Variants in SH3D19 observed in about 807,000 individuals in gnomAD.
SH3D19 encodes SH3 domain containing 19, also known as SH3 domain-containing protein 19.
A neutral mutation model predicts 112.1 loss-of-function variants in SH3D19; 58 were observed. The ratio of observed to expected loss-of-function variants is 0.52; its 90% CI spans 0.42 to 0.64. The LOEUF (loss-of-function observed/expected upper bound fraction) is 0.64, where lower values mean the gene tolerates loss of function less well. Ranked by LOEUF, SH3D19 falls within the 30% of genes least tolerant of loss-of-function variation. The probability of loss-of-function intolerance (pLI) is 0.00; values close to 1 mark genes in which losing one functional copy is unlikely to be tolerated. For missense variants in SH3D19, 1,090 were observed against 1,263.4 expected (o/e 0.86, Z 2.08); for synonymous variants, 391 against 448.5 (o/e 0.87, Z 1.62).
At chr4:151,152,440 T>C (rs1297926556) in intron 9 of SH3D19, among the ~76,000 whole-genome samples, 1 of 152,096 alleles carries the variant, frequency 6.6e-6, no homozygotes, top group Non-Finnish European at 1.5e-5. Context: ...GCAGATTCCA[T>C]CTTTTTGTTC....
At chr4:151,259,328 G>A (rs1353477298) in intron 1 of SH3D19, among the ~76,000 whole-genome samples, 2 of 152,222 alleles carry the variant, frequency 1.3e-5, no homozygotes, top group African/African-American at 4.8e-5. Context: ...ACTTCAGGCA[G>A]AGGCAGCATG....
intron 1 of SH3D19, among the ~76,000 whole-genome samples, chr4:151,255,762 C>T (rs1041479356): frequency 1.3e-5 from 2 of 152,238 alleles, no homozygotes; most frequent in East Asian, 3.9e-4. Context: ...AACGAGACTC[C>T]GTCTGCAATC....
rs66688611 is a variant in SH3D19, at chr4:151,125,845, C to CAAAAAAAAAAAAAAAAA, written c.3027+1756_3027+1772dup. Among the ~76,000 whole-genome samples, 5 of 94,236 alleles carry CAAAAAAAAAAAAAAAAA rather than the reference C, an allele frequency of 5.3e-5. 2 individuals carry two copies. The highest frequency in any genetic ancestry group is 6.4e-5 in the Non-Finnish European group (3 of 47,214). The allele number at this position is 94,236 out of a possible 152,430, so 61.8% of individuals were successfully genotyped here. On this transcript the variant is annotated intron_variant, in intron 19 of 19. Transcript: ENST00000604030. Reference sequence around the variant, plus strand: ...ACAGAGCGAGACTCCATCTCAAAAACAAAAAAAAAAAAAAAAAAAAAGAAA... The same window carrying CAAAAAAAAAAAAAAAAA: ...ACAGAGCGAGACTCCATCTCAAAAACAAAAAAAAAAAAAAAAAAAAAAAAAAAAAAAAAAAAAAGAAA...
At chr4:151,163,588 T>TTC (rs1181525504) in intron 8 of SH3D19, among the ~76,000 whole-genome samples, 1 of 148,844 alleles carries the variant, frequency 6.7e-6, no homozygotes, top group Non-Finnish European at 1.5e-5. Context: ...CTTTCTTTCT[T>TTC]TTTTTTTTTT....
At chr4:151,306,547 CAG>C (rs1561448796) in intron 1 of SH3D19, among the ~76,000 whole-genome samples, 1 of 152,066 alleles carries the variant, frequency 6.6e-6, no homozygotes, top group Non-Finnish European at 1.5e-5. Flanking sequence ...TCAACTAAAA[CAG>C]GGGAAAAAAG....
At chr4:151,298,009 T>C (rs536842000) in intron 1 of SH3D19, among the ~76,000 whole-genome samples, 6 of 152,046 alleles carry the variant, frequency 3.9e-5, no homozygotes, top group South Asian at 4.2e-4. Context: ...GCTTTGAAGA[T>C]AGAGCAAGGG....
In SH3D19 at chr4:151,282,198, G is replaced by A. The variant is rs1286042388; in HGVS notation, c.112+43043C>T. 1.2e-6 allele frequency: 2 copies of A among 1,613,794 alleles called. No individual in the cohort carries two copies. Among genetic ancestry groups the A allele is most frequent in the Middle Eastern group, 1.6e-4 (1 of 6,084 alleles). ...GTGTGGCTAGGATCGATTACAGTAGGTGACTCAAGGAAACGTGTGAAGTAC... is the reference window on the plus strand; with the variant it reads ...GTGTGGCTAGGATCGATTACAGTAGATGACTCAAGGAAACGTGTGAAGTAC... On this transcript the variant is annotated intron_variant, in intron 1 of 19. Coordinates refer to ENST00000604030, the MANE Select transcript of SH3D19 (RefSeq NM_001378122.1).
intron 1 of SH3D19, among the ~76,000 whole-genome samples, chr4:151,245,767 A>G (rs1259644021): frequency 6.6e-6 from 1 of 152,076 alleles, no homozygotes; most frequent in African/African-American, 2.4e-5. Flanking sequence ...ATGCCTAGCT[A>G]ATTTTTATAT....
At chr4:151,253,516 G>A (rs1580331888) in intron 1 of SH3D19, among the ~76,000 whole-genome samples, 1 of 152,264 alleles carries the variant, frequency 6.6e-6, no homozygotes, top group East Asian at 1.9e-4. Flanking sequence ...CTAGGCGGGC[G>A]GATCACGAGG....
At chr4:151,193,383 G>C (rs968237524) in intron 2 of SH3D19, among the ~76,000 whole-genome samples, 3 of 151,918 alleles carry the variant, frequency 2.0e-5, no homozygotes, top group African/African-American at 7.3e-5. Flanking sequence ...GAGATGGTAC[G>C]GTAGACTTCA....
At chr4:151,155,122 T>C (rs747591389) in intron 9 of SH3D19, among the ~76,000 whole-genome samples, 2 of 152,208 alleles carry the variant, frequency 1.3e-5, no homozygotes, top group Non-Finnish European at 1.5e-5. Context: ...TTACATATAA[T>C]GGACATTAAC....
chr4:151,272,758 C>CTTTTCTTTTTT (rs55671008), intron 1 of SH3D19, among the ~76,000 whole-genome samples: 46,285 of 146,604 alleles, frequency 0.32, 8,562 homozygotes, highest in Non-Finnish European at 0.44. Flanking sequence ...TCAGGTTTCA[C>CTTTTCTTTTTT]TTTTCTTTTT....
At chr4:151,196,410 C>G (rs935881000) in intron 2 of SH3D19, among the ~76,000 whole-genome samples, 2 of 152,030 alleles carry the variant, frequency 1.3e-5, no homozygotes, top group Non-Finnish European at 2.9e-5. Flanking sequence ...GCCTGGGCAA[C>G]AGAGAAAGAC....
chr4:151,171,513 G>A (rs1393496053), intron 7 of SH3D19, among the ~76,000 whole-genome samples: 1 of 152,068 alleles, frequency 6.6e-6, no homozygotes, highest in Admixed American at 6.6e-5. Context: ...TGTTTATTCT[G>A]TCTTCCCTCT....
rs183697671 is a variant in SH3D19 at position 151,286,935 on chromosome 4, G to A, written c.112+38306C>T. Among the ~76,000 whole-genome samples, 125 of 150,728 alleles carry A rather than the reference G, an allele frequency of 8.3e-4. 1 individual carries two copies. In the East Asian group the frequency reaches 0.02, roughly 24 times the overall value. On this transcript the variant is annotated intron_variant, in intron 1 of 19. Transcript: ENST00000604030. The stretch of plus-strand genomic sequence containing the variant: ...GTAGAGGTTACAGTGAGCCGAGATC[G>A]CGCCACTGCACTCCAGCCTGGGTGA...
intron 2 of SH3D19, among the ~76,000 whole-genome samples, chr4:151,203,335 T>C (rs1249107218): frequency 6.6e-6 from 1 of 152,214 alleles, no homozygotes; most frequent in African/African-American, 2.4e-5. Context: ...AGTGTGAAGA[T>C]CACCAATGCA....
chr4:151,317,283 TATC>T (rs1730083165), intron 1 of SH3D19, among the ~76,000 whole-genome samples: 1 of 152,196 alleles, frequency 6.6e-6, no homozygotes, highest in South Asian at 2.1e-4. Context: ...CATCTCCTAA[TATC>T]ATAAAATGTA....
chr4:151,240,219 A>ACAAAT (rs1200085805), intron 1 of SH3D19, among the ~76,000 whole-genome samples: 1 of 152,012 alleles, frequency 6.6e-6, no homozygotes, highest in African/African-American at 2.4e-5. Flanking sequence ...AGCTTGGGTA[A>ACAAAT]GATGGCGAGA....
chr4:151,141,524 G>A (rs1752987054), intron 12 of SH3D19, among the ~76,000 whole-genome samples: 1 of 152,106 alleles, frequency 6.6e-6, no homozygotes, highest in African/African-American at 2.4e-5. Context: ...ACACCCCTGT[G>A]GTCCCAGCTA....
Sources: allele counts gnomAD v4.1 joint callset (sites outside exome capture counted in the v4.1 genomes callset), GRCh38; gene constraint gnomAD v4.1.1; transcripts MANE v1.5; gene names NCBI Gene and HGNC (gene_info 2026-07-23, HGNC 2026-07-21).